CDC14B: variants seen among roughly 807,000 people sequenced by gnomAD.
CDC14B encodes the protein dual specificity protein phosphatase CDC14B.
A neutral mutation model predicts 64.2 loss-of-function variants in CDC14B; 22 were observed. That is an observed-to-expected ratio of 0.34 (90% CI 0.24 to 0.49). The LOEUF is 0.49. Among genes scored for constraint, CDC14B ranks in the 20% least tolerant of loss-of-function variants. The pLI is 0.99. For synonymous variants in CDC14B, 191 were observed against 215.8 expected, an observed-to-expected ratio of 0.89 and a Z score of 1.01; for missense variants, 498 against 629.9, an observed-to-expected ratio of 0.79 and a Z score of 2.24.
At chr9:96,492,891 C>T (rs1216547602) in exon 14 of CDC14B, 1 of 152,262 alleles carries the variant, frequency 6.6e-6, no homozygotes, top group Non-Finnish European at 1.5e-5. Flanking sequence ...GGGAATGCCT[C>T]CGAAGTCAGA....
intron 6 of CDC14B, among the ~76,000 whole-genome samples, chr9:96,539,810 G>C (rs1221099788): frequency 4.6e-5 from 7 of 152,170 alleles, no homozygotes; most frequent in African/African-American, 1.4e-4. Flanking sequence ...AAAATAAGCA[G>C]AGTGTCTATT....
At chr9:96,576,632 CAAA>C (rs11304216) in intron 1 of CDC14B, among the ~76,000 whole-genome samples, 11 of 81,638 alleles carry the variant, frequency 1.3e-4, no homozygotes, top group East Asian at 3.8e-4. Context: ...GACTCCATCT[CAAA>C]AAAAAAAAAA....
At chr9:96,555,414 C>T (rs1375340520) in intron 4 of CDC14B, among the ~76,000 whole-genome samples, 1 of 152,166 alleles carries the variant, frequency 6.6e-6, no homozygotes, top group Non-Finnish European at 1.5e-5. Context: ...ATGGACCCTC[C>T]AGGTGAATGC....
intron 1 of CDC14B, among the ~76,000 whole-genome samples, chr9:96,606,508 T>C (rs533142814): frequency 6.0e-4 from 89 of 148,652 alleles, no homozygotes; most frequent in African/African-American, 2.2e-3. Flanking sequence ...CAGAATGAGA[T>C]CTCATCTCTA....
chr9:96,589,675 T>C (rs1845667695), intron 1 of CDC14B, among the ~76,000 whole-genome samples: 1 of 152,050 alleles, frequency 6.6e-6, no homozygotes, highest in Non-Finnish European at 1.5e-5. Flanking sequence ...CGTAAGTTTT[T>C]AGGCCGGGCA....
chr9:96,619,104 C>A, intron 1 of CDC14B, 115 bp downstream of exon 1: 1 of 783,698 alleles, frequency 1.3e-6, no homozygotes, highest in Non-Finnish European at 1.7e-6. Flanking sequence ...GGGGTGGGGG[C>A]GAAGGCATTT....
At chr9:96,582,022 A>C (rs888885895) in intron 1 of CDC14B, among the ~76,000 whole-genome samples, 2 of 152,140 alleles carry the variant, frequency 1.3e-5, no homozygotes, top group African/African-American at 4.8e-5. Flanking sequence ...CATGGTGAGA[A>C]CCAAGGGACG....
In CDC14B at chr9:96,534,035, G is replaced by C. The variant is rs1399600158; in HGVS notation, c.838C>G (p.His280Asp). The change falls in exon 9 of 14, where the codon CAC becomes GAC. Residue 280 changes from histidine (H) to aspartate (D), a missense_variant. By Grantham distance (81) the His-to-Asp change is moderately conservative. Transcript: ENST00000375241. ...AKRFTDAGFD[H>D]HDLFFADGST... The stretch of plus-strand genomic sequence containing the variant: ...CCATCCGCAAAGAAAAGATCATGGT[G>C]ATCGAAGCCAGCATCCGTAAAGCGT... 1.9e-6 allele frequency: 3 copies of C among 1,613,018 alleles called. No homozygotes were observed. The highest frequency in any genetic ancestry group is 1.3e-5 in the African/African-American group (1 of 74,900).
Position 96,515,786 on chromosome 9 carries a change from G to A in CDC14B, c.1344-5997C>T, listed in dbSNP as rs1423218887. 2 of 1,595,814 alleles carry A rather than the reference G, an allele frequency of 1.3e-6. No individual in the cohort carries two copies. The highest frequency in any genetic ancestry group is 2.3e-5 in the South Asian group (2 of 87,622). On this transcript the variant is annotated intron_variant, in intron 12 of 13. Coordinates refer to ENST00000375241, the MANE Select transcript of CDC14B (RefSeq NM_033331.4). The surrounding 1 kb of genome is among the most constrained non-coding windows in gnomAD (Gnocchi z 4.3). Reference sequence around the variant, plus strand: ...ACAGTGCAGAGGTCAGCACAGCTAGGGGACATCTGGAAAGGGGTGAAGGGG... The same window carrying A: ...ACAGTGCAGAGGTCAGCACAGCTAGAGGACATCTGGAAAGGGGTGAAGGGG...
chr9:96,561,405 G>A (rs763263081), intron 4 of CDC14B, among the ~76,000 whole-genome samples: 11 of 152,074 alleles, frequency 7.2e-5, no homozygotes, highest in Non-Finnish European at 4.4e-5. Flanking sequence ...TTTTAAAATG[G>A]TCCGGTAAGG....
chr9:96,583,337 C>G (rs1000079485), intron 1 of CDC14B, among the ~76,000 whole-genome samples: 1 of 150,972 alleles, frequency 6.6e-6, no homozygotes, highest in Non-Finnish European at 1.5e-5. Context: ...GATGCGTAAA[C>G]CGGCGCCACC....
intron 9 of CDC14B, among the ~76,000 whole-genome samples, chr9:96,524,564 G>C (rs1430445168): frequency 6.6e-6 from 1 of 152,044 alleles, no homozygotes; most frequent in Non-Finnish European, 1.5e-5. Context: ...CTCCAGTGAT[G>C]GTTAATTTTA....
rs1838903741 is a variant in CDC14B, at chr9:96,533,971, T to C, written c.902A>G (p.Asp301Gly). 6.2e-7 allele frequency: 1 copy of C among 1,613,144 alleles called. No homozygotes were observed. Among genetic ancestry groups the C allele is most frequent in the South Asian group, 1.1e-5 (1 of 90,860 alleles). ...PTDAIVKEFL[D>G]ICENAEGAIA... ...GGCACCCTCAGCATTTTCACAGATA[T>C]CTAGGAATTCTTTGACAATGGCATC... Residue 301 changes from aspartate (D) to glycine (G), a missense_variant, in exon 9 of 14, where the codon GAT (aspartate) becomes GGT (glycine). Physicochemically the swap from Asp to Gly is moderately conservative, Grantham distance 94. Coordinates refer to ENST00000375241, the MANE Select transcript of CDC14B (RefSeq NM_033331.4).
At chr9:96,556,439 G>T (rs968831650) in intron 4 of CDC14B, among the ~76,000 whole-genome samples, 1 of 151,632 alleles carries the variant, frequency 6.6e-6, no homozygotes, top group East Asian at 1.9e-4. Context: ...CAATAAAAAA[G>T]GTGAGCAGAG....
intron 5 of CDC14B, among the ~76,000 whole-genome samples, chr9:96,547,599 A>C (rs1841136827): frequency 6.6e-6 from 1 of 152,054 alleles, no homozygotes; most frequent in African/African-American, 2.4e-5. Context: ...GACTACAGAC[A>C]CATGCCACCC....
At chr9:96,545,335 T>C (rs1248103480) in intron 5 of CDC14B, among the ~76,000 whole-genome samples, 1 of 151,148 alleles carries the variant, frequency 6.6e-6, no homozygotes, top group Non-Finnish European at 1.5e-5. Flanking sequence ...TTTTCTTTTT[T>C]TTTTTTTTTT....
At chr9:96,581,183 T>C (rs1452862524) in intron 1 of CDC14B, among the ~76,000 whole-genome samples, 1 of 152,120 alleles carries the variant, frequency 6.6e-6, no homozygotes, top group Admixed American at 6.6e-5. Context: ...TGAGCTGCGA[T>C]TGCACCACTG....
intron 5 of CDC14B, among the ~76,000 whole-genome samples, chr9:96,542,404 C>T (rs16911172): frequency 0.052 from 7,928 of 152,192 alleles, 698 homozygotes; most frequent in African/African-American, 0.18. Flanking sequence ...ATCAAGGTCA[C>T]ATTTAAAATA....
intron 1 of CDC14B, among the ~76,000 whole-genome samples, chr9:96,590,964 A>C (rs771900295): frequency 2.6e-5 from 4 of 152,130 alleles, no homozygotes; most frequent in Non-Finnish European, 5.9e-5. Context: ...GTTTGTTTTC[A>C]TTTGTTAAGT....
Sources: allele counts gnomAD v4.1 joint callset (sites outside exome capture counted in the v4.1 genomes callset), GRCh38; gene constraint gnomAD v4.1.1; non-coding constraint Gnocchi (gnomAD v3.1); transcripts MANE v1.5; gene names NCBI Gene and HGNC (gene_info 2026-07-23, HGNC 2026-07-21).